LRP1B: variants seen among roughly 807,000 people sequenced by gnomAD.
LRP1B encodes LDL receptor related protein 1B, also known as low-density lipoprotein receptor-related protein 1B.
Under a neutral mutation model 556.6 loss-of-function variants are expected in LRP1B, and 217 were observed. The ratio of observed to expected loss-of-function variants is 0.39; its 90% CI spans 0.35 to 0.44. The LOEUF is 0.44. Ranked by LOEUF, LRP1B falls within the 20% of genes least tolerant of loss-of-function variation. LRP1B has a pLI of 1.00. For synonymous variants in LRP1B, 2,047 were observed against 1,865.8 expected, an observed-to-expected ratio of 1.10 and a Z score of -2.50; for missense variants, 5,053 against 5,620.8, an observed-to-expected ratio of 0.90 and a Z score of 3.23.
At chr2:141,822,130 C>CACACACACACAGAGAGAGAG (rs374369026) in intron 1 of LRP1B, among the ~76,000 whole-genome samples, 1 of 95,864 alleles carries the variant, frequency 1.0e-5, no homozygotes, top group African/African-American at 4.5e-5. Context: ...CACACACACA[C>CACACACACACAGAGAGAGAG]AGAGAGAGAG....
At chr2:141,014,193 G>C (rs1225297608) in intron 13 of LRP1B, among the ~76,000 whole-genome samples, 1 of 152,004 alleles carries the variant, frequency 6.6e-6, no homozygotes, top group African/African-American at 2.4e-5. Flanking sequence ...TGTTCAAACA[G>C]CATTGGGAGT....
At chr2:141,298,368 G>A (rs1363819021) in intron 3 of LRP1B, among the ~76,000 whole-genome samples, 9 of 152,064 alleles carry the variant, frequency 5.9e-5, no homozygotes, top group African/African-American at 2.2e-4. Flanking sequence ...GTAATTTAAG[G>A]TGGAAACTTT....
chr2:141,016,386 T>C (rs1558802234), intron 12 of LRP1B, among the ~76,000 whole-genome samples: 1 of 152,136 alleles, frequency 6.6e-6, no homozygotes, highest in Admixed American at 6.6e-5. Context: ...AGATGAATTA[T>C]GATTCTTTAA....
At chr2:140,892,492 T>G (rs1355160290) in intron 23 of LRP1B, among the ~76,000 whole-genome samples, 1 of 152,174 alleles carries the variant, frequency 6.6e-6, no homozygotes, top group Admixed American at 6.5e-5. Flanking sequence ...CAATGATATA[T>G]CATGTTACTC....
At chr2:141,182,198 G>A (rs552042524) in intron 7 of LRP1B, among the ~76,000 whole-genome samples, 80 of 151,952 alleles carry the variant, frequency 5.3e-4, no homozygotes, top group South Asian at 1.2e-3. Flanking sequence ...TAAGGAATTG[G>A]GATACATAAA....
intron 31 of LRP1B, among the ~76,000 whole-genome samples, chr2:140,827,527 TA>T (rs1327857100): frequency 1.3e-5 from 2 of 150,556 alleles, no homozygotes; most frequent in Non-Finnish European, 3.0e-5. Context: ...CAGAAGAAAA[TA>T]AGTAAGCTTA....
chr2:141,583,528 G>A (rs190249687), intron 2 of LRP1B, among the ~76,000 whole-genome samples: 213 of 152,030 alleles, frequency 1.4e-3, no homozygotes, highest in African/African-American at 4.9e-3. Flanking sequence ...TGAAAAATAA[G>A]ACAGAAATAA....
intron 1 of LRP1B, among the ~76,000 whole-genome samples, chr2:142,048,459 G>C (rs1476655473): frequency 1.3e-5 from 2 of 151,914 alleles, no homozygotes; most frequent in African/African-American, 4.8e-5. Flanking sequence ...GTTATTTTCT[G>C]AACATTCTTC....
Position 140,436,049 on chromosome 2 carries a change from T to C in LRP1B, c.10414+6455A>G, listed in dbSNP as rs560137804. 1.8e-3 allele frequency among the ~76,000 whole-genome samples: 269 copies of C among 152,020 alleles called. 1 individual carries two copies. The highest frequency in any genetic ancestry group is 4.6e-3 in the South Asian group (22 of 4,816). ...TACATTCACACATACAAAAAGTCAT[T>C]AGCAGAAAAGAGGAAAAGATTAAAT... On this transcript the variant is annotated intron_variant, in intron 66 of 90. Coordinates refer to ENST00000389484, the MANE Select transcript of LRP1B (RefSeq NM_018557.3).
intron 84 of LRP1B, among the ~76,000 whole-genome samples, chr2:140,281,614 A>G (rs529925417): frequency 1.3e-5 from 2 of 152,016 alleles, no homozygotes; most frequent in East Asian, 3.9e-4. Flanking sequence ...GCCTTTAAAA[A>G]TAAATTTTGT....
intron 3 of LRP1B, among the ~76,000 whole-genome samples, chr2:141,269,410 C>T (rs1685005945): frequency 6.6e-6 from 1 of 152,098 alleles, no homozygotes; most frequent in Non-Finnish European, 1.5e-5. Context: ...ACTAATAGAA[C>T]AATCAGCTGA....
At chr2:141,578,332 G>A (rs908208287) in intron 2 of LRP1B, among the ~76,000 whole-genome samples, 4 of 151,580 alleles carry the variant, frequency 2.6e-5, no homozygotes, top group Admixed American at 1.3e-4. Flanking sequence ...AGGAGGCAGA[G>A]GTTGCAGTGA....
At chr2:141,390,603 T>C (rs1690014556) in intron 3 of LRP1B, among the ~76,000 whole-genome samples, 1 of 152,192 alleles carries the variant, frequency 6.6e-6, no homozygotes, top group Non-Finnish European at 1.5e-5. Context: ...CAGACATAAA[T>C]AGGAATGAAG....
intron 1 of LRP1B, among the ~76,000 whole-genome samples, chr2:141,883,855 C>A (rs1176974964): frequency 6.6e-6 from 1 of 152,114 alleles, no homozygotes; most frequent in African/African-American, 2.4e-5. Flanking sequence ...ACAACAACAA[C>A]AACAACAAAA....
In LRP1B at chr2:140,905,639, A is replaced by C. The variant is rs564820269; in HGVS notation, c.3520+2238T>G. Among the ~76,000 whole-genome samples the C allele has an allele frequency of 1.3e-5, 2 of 152,078 alleles. 1 individual carries two copies. The highest frequency in any genetic ancestry group is 3.9e-4 in the East Asian group (2 of 5,138). ...AGCCTGTTTTCCCCTCCTGTTAAGC[A>C]CCAGTTATCTAACCCAGGTGGCGTA... On this transcript the variant is annotated intron_variant, in intron 22 of 90. Coordinates refer to ENST00000389484, the MANE Select transcript of LRP1B (RefSeq NM_018557.3).
intron 7 of LRP1B, among the ~76,000 whole-genome samples, chr2:141,155,413 T>A (rs1702041090): frequency 6.6e-6 from 1 of 151,858 alleles, no homozygotes; most frequent in South Asian, 2.1e-4. Context: ...ATATACTATT[T>A]TTCTGGAAAT....
intron 31 of LRP1B, among the ~76,000 whole-genome samples, chr2:140,827,055 T>C (rs1342945084): frequency 6.6e-6 from 1 of 152,044 alleles, no homozygotes; most frequent in Admixed American, 6.5e-5. Flanking sequence ...CCAAGGTAAA[T>C]TTGGGATTAA....
In LRP1B at chr2:141,134,999, C is replaced by A. The variant is rs1158089893; in HGVS notation, c.1013+53422G>T. On this transcript the variant is annotated intron_variant, in intron 7 of 90. Coordinates refer to ENST00000389484, the MANE Select transcript of LRP1B (RefSeq NM_018557.3). ...TTTAACATTAAAATACAAGTATTGTCACTACATGCATTCAATATGCATGTG... is the reference window on the plus strand; with the variant it reads ...TTTAACATTAAAATACAAGTATTGTAACTACATGCATTCAATATGCATGTG... Among the ~76,000 whole-genome samples, 5 of 151,744 alleles carry A rather than the reference C, an allele frequency of 3.3e-5. No homozygotes were observed. In the East Asian group the frequency reaches 5.8e-4, roughly 18 times the overall value.
intron 3 of LRP1B, among the ~76,000 whole-genome samples, chr2:141,319,787 A>G (rs917546547): frequency 1.3e-5 from 2 of 152,224 alleles, no homozygotes; most frequent in Middle Eastern, 3.4e-3. Flanking sequence ...ATAGAGCAAC[A>G]TGTAATACAT....
Sources: gnomAD v4.1 joint callset for allele counts (sites outside exome capture counted in the v4.1 genomes callset) on GRCh38, gnomAD v4.1.1 for gene constraint, MANE v1.5 for transcripts, NCBI Gene and HGNC (gene_info 2026-07-23, HGNC 2026-07-21) for gene names.